The following ARHGAP15 variants were observed in gnomAD, a reference collection of about 807,000 sequenced individuals.
The protein encoded by ARHGAP15 is Rho GTPase activating protein 15.
ARHGAP15 carries 51 observed loss-of-function variants against 63.7 expected under a neutral mutation model. The observed-to-expected ratio is 0.80, with a 90% CI of 0.64 to 1.01. ARHGAP15 has a LOEUF of 1.01. ARHGAP15 is among the 50% of genes least tolerant of loss of function. The pLI, the probability that ARHGAP15 is intolerant of heterozygous loss-of-function variation, is 0.00. For synonymous variants in ARHGAP15, 191 were observed against 193.8 expected, an observed-to-expected ratio of 0.99 and a Z score of 0.12; for missense variants, 560 against 564.6, an observed-to-expected ratio of 0.99 and a Z score of 0.08.
intron 5 of ARHGAP15, among the ~76,000 whole-genome samples, chr2:143,235,379 A>T (rs1054657533): frequency 1.3e-5 from 2 of 152,126 alleles, no homozygotes; most frequent in African/African-American, 4.8e-5. Flanking sequence ...CATAAAAAAC[A>T]TGAACAATGG....
intron 13 of ARHGAP15, among the ~76,000 whole-genome samples, chr2:143,704,902 T>A (rs1048993624): frequency 6.6e-6 from 1 of 152,148 alleles, no homozygotes; most frequent in Admixed American, 6.5e-5. Flanking sequence ...GCATTTACAT[T>A]TAAAAACTGA....
chr2:143,359,061 C>T (rs1211370191), intron 6 of ARHGAP15, among the ~76,000 whole-genome samples: 3 of 152,070 alleles, frequency 2.0e-5, no homozygotes, highest in African/African-American at 7.2e-5. Flanking sequence ...GTACTATCTA[C>T]ATAATAGTAT....
intron 11 of ARHGAP15, among the ~76,000 whole-genome samples, chr2:143,614,387 A>G (rs1698379430): frequency 6.6e-6 from 1 of 152,244 alleles, no homozygotes; most frequent in Admixed American, 6.5e-5. Context: ...CCCAGCAGCT[A>G]TAACATGCCT....
At chr2:143,364,667 T>C (rs530398018) in intron 6 of ARHGAP15, among the ~76,000 whole-genome samples, 9 of 152,270 alleles carry the variant, frequency 5.9e-5, no homozygotes, top group African/African-American at 2.2e-4. Flanking sequence ...AATTTTACCA[T>C]GTTGCAGATA....
At chr2:143,728,082 G>A (rs923601165) in intron 13 of ARHGAP15, among the ~76,000 whole-genome samples, 3 of 152,186 alleles carry the variant, frequency 2.0e-5, no homozygotes, top group African/African-American at 7.2e-5. Flanking sequence ...CGACACACCA[G>A]GCGGCTTAAA....
chr2:143,694,381 A>G (rs1430944188), intron 12 of ARHGAP15, among the ~76,000 whole-genome samples: 3 of 152,214 alleles, frequency 2.0e-5, no homozygotes, highest in South Asian at 2.1e-4. Context: ...GACCTTTGCT[A>G]TGTAGGACCC....
intron 11 of ARHGAP15, among the ~76,000 whole-genome samples, chr2:143,579,282 T>G (rs1443801169): frequency 6.6e-6 from 1 of 152,178 alleles, no homozygotes; most frequent in Admixed American, 6.6e-5. Flanking sequence ...AGTGTAAAGT[T>G]GCGATTAGTA....
chr2:143,661,998 C>G (rs1353285686), intron 12 of ARHGAP15, among the ~76,000 whole-genome samples: 1 of 152,224 alleles, frequency 6.6e-6, no homozygotes, highest in African/African-American at 2.4e-5. Flanking sequence ...GGGGGAGGGG[C>G]GCCCGCCATT....
At chr2:143,760,504 T>A (rs185261728) in intron 13 of ARHGAP15, among the ~76,000 whole-genome samples, 1 of 152,314 alleles carries the variant, frequency 6.6e-6, no homozygotes, top group Admixed American at 6.5e-5. Flanking sequence ...ATTTTTTTAC[T>A]TTTTAGTTCT....
intron 8 of ARHGAP15, among the ~76,000 whole-genome samples, chr2:143,446,001 A>T (rs1263286098): frequency 6.6e-6 from 1 of 152,008 alleles, no homozygotes; most frequent in Non-Finnish European, 1.5e-5. Context: ...AACCCTGTTC[A>T]AAAGGTTGTA....
chr2:143,400,725 T>TATTTAA (rs1411526104), intron 6 of ARHGAP15, among the ~76,000 whole-genome samples: 1 of 152,032 alleles, frequency 6.6e-6, no homozygotes, highest in Non-Finnish European at 1.5e-5. Context: ...CCGTCCTTCT[T>TATTTAA]ATTTAAATTT....
intron 12 of ARHGAP15, among the ~76,000 whole-genome samples, chr2:143,663,403 C>T (rs1357401316): frequency 2.7e-5 from 4 of 146,500 alleles, no homozygotes; most frequent in Non-Finnish European, 3.0e-5. Context: ...CCTAAAAGAG[C>T]TCCTGAAGGA....
chr2:143,165,025 C>A (rs1217379362), intron 2 of ARHGAP15, among the ~76,000 whole-genome samples: 2 of 152,058 alleles, frequency 1.3e-5, no homozygotes. Flanking sequence ...ATAAATCATG[C>A]TTTTACTTCC....
intron 6 of ARHGAP15, among the ~76,000 whole-genome samples, chr2:143,267,946 C>T (rs538012386): frequency 1.3e-5 from 2 of 152,104 alleles, no homozygotes; most frequent in East Asian, 1.9e-4. Flanking sequence ...AGAATGATGG[C>T]CATTAATGTA....
intron 11 of ARHGAP15, among the ~76,000 whole-genome samples, chr2:143,575,372 C>G (rs986785696): frequency 1.3e-5 from 2 of 152,046 alleles, no homozygotes; most frequent in African/African-American, 4.8e-5. Context: ...AATAATGAAA[C>G]GTCCAGCTGT....
intron 1 of ARHGAP15, among the ~76,000 whole-genome samples, chr2:143,149,452 T>TA (rs1689726861): frequency 6.6e-6 from 1 of 151,964 alleles, no homozygotes; most frequent in Non-Finnish European, 1.5e-5. Context: ...AAATATCAAG[T>TA]ACCTATCCAA....
chr2:143,673,854 T>C (rs765075747), intron 12 of ARHGAP15, among the ~76,000 whole-genome samples: 45 of 145,150 alleles, frequency 3.1e-4, no homozygotes, highest in Admixed American at 7.7e-4. Context: ...ATAATAGTCC[T>C]TCAGAAAGAA....
intron 11 of ARHGAP15, among the ~76,000 whole-genome samples, chr2:143,587,296 T>G (rs1697142940): frequency 6.6e-6 from 1 of 152,190 alleles, no homozygotes; most frequent in Admixed American, 6.5e-5. Flanking sequence ...GATTTCTATT[T>G]TTACAGTATT....
intron 11 of ARHGAP15, 58 bp downstream of exon 11, chr2:143,556,543 A>T: frequency 7.8e-7 from 1 of 1,289,150 alleles, no homozygotes. Flanking sequence ...ACAATATTTC[A>T]TACACTGTGC....
Sources: gnomAD v4.1 joint callset for allele counts (sites outside exome capture counted in the v4.1 genomes callset) on GRCh38, gnomAD v4.1.1 for gene constraint, MANE v1.5 for transcripts, NCBI Gene and HGNC (gene_info 2026-07-23, HGNC 2026-07-21) for gene names.